Variants in ANO10 observed in about 807,000 individuals in gnomAD.
ANO10 encodes the protein anoctamin-10.
A neutral mutation model predicts 74.7 loss-of-function variants in ANO10; 77 were observed. The observed-to-expected ratio is 1.03, with a 90% confidence interval of 0.86 to 1.25. The LOEUF (loss-of-function observed/expected upper bound fraction) is 1.25, where lower values mean the gene tolerates loss of function less well. ANO10 is among the 50% of genes most tolerant of loss of function. The pLI, the probability that ANO10 is intolerant of heterozygous loss-of-function variation, is 0.00. For synonymous variants in ANO10, 279 were observed against 284.9 expected (o/e 0.98, Z 0.21); for missense variants, 721 against 778.1 (o/e 0.93, Z 0.87).
intron 12 of ANO10, among the ~76,000 whole-genome samples, chr3:43,398,765 C>T (rs970480510): frequency 2.0e-5 from 3 of 152,200 alleles, no homozygotes; most frequent in Middle Eastern, 3.2e-3. Flanking sequence ...AATTGCATGT[C>T]CCTGAGAATT....
At chr3:43,389,441 A>C (rs1251762814) in intron 12 of ANO10, among the ~76,000 whole-genome samples, 1 of 152,228 alleles carries the variant, frequency 6.6e-6, no homozygotes, top group Non-Finnish European at 1.5e-5. Context: ...TCAGTGGGTG[A>C]TTCTGTGTTA....
At chr3:43,429,534 C>T (rs2092949868) in intron 12 of ANO10, among the ~76,000 whole-genome samples, 1 of 152,092 alleles carries the variant, frequency 6.6e-6, no homozygotes. Context: ...ACCAGAAATG[C>T]AATCAATGGA....
At chr3:43,667,492 G>T (rs1026152357) in intron 1 of ANO10, among the ~76,000 whole-genome samples, 1 of 151,924 alleles carries the variant, frequency 6.6e-6, no homozygotes, top group African/African-American at 2.4e-5. Flanking sequence ...TCTTACATAG[G>T]TAAGTTCTTT....
At chr3:43,498,484 G>A (rs529270679) in intron 11 of ANO10, among the ~76,000 whole-genome samples, 1 of 152,286 alleles carries the variant, frequency 6.6e-6, no homozygotes, top group African/African-American at 2.4e-5. Context: ...CCTGCCCCCA[G>A]CATGTCCTAG....
At chr3:43,497,987 T>C (rs1462247538) in intron 11 of ANO10, among the ~76,000 whole-genome samples, 2 of 152,182 alleles carry the variant, frequency 1.3e-5, no homozygotes, top group African/African-American at 4.8e-5. Flanking sequence ...TGTTGCATCA[T>C]CTCTGTACTT....
intron 11 of ANO10, among the ~76,000 whole-genome samples, chr3:43,509,832 G>A (rs2077443115): frequency 1.3e-5 from 2 of 152,284 alleles, no homozygotes; most frequent in Admixed American, 1.3e-4. Flanking sequence ...TAAACAAATT[G>A]TGGTATATAT....
In ANO10 at chr3:43,555,380, A is replaced by T. The variant is rs149914846; in HGVS notation, c.1566T>A (p.Ala522=). 1 of 1,614,198 alleles carries T rather than the reference A, an allele frequency of 6.2e-7. No individual in the cohort carries two copies. The highest frequency in any genetic ancestry group is 2.2e-5 in the East Asian group (1 of 44,880). The change falls in exon 10 of 13, where the codon GCT becomes GCA. Residue 522 remains alanine, a synonymous_variant. Coordinates refer to ENST00000292246, the MANE Select transcript of ANO10 (RefSeq NM_018075.5). ...SCVYPLAAAF[A]VLNNFTEVNS... is the part of the protein sequence containing the mutation. Reference sequence around the variant, plus strand: ...TTACTTCAGTGAAGTTATTTAACACAGCAAAGGCAGCTGCTAATGGGTAAA... The same window carrying T: ...TTACTTCAGTGAAGTTATTTAACACTGCAAAGGCAGCTGCTAATGGGTAAA...
At chr3:43,568,952 G>T (rs1219725245) in intron 7 of ANO10, among the ~76,000 whole-genome samples, 2 of 143,242 alleles carry the variant, frequency 1.4e-5, no homozygotes, top group African/African-American at 5.3e-5. Flanking sequence ...GACTAATAAA[G>T]AAAAAAAGAG....
At chr3:43,524,234 T>G (rs1165000660) in intron 11 of ANO10, among the ~76,000 whole-genome samples, 2 of 152,264 alleles carry the variant, frequency 1.3e-5, no homozygotes, top group Non-Finnish European at 2.9e-5. Context: ...GAATCCCTCA[T>G]AGAAGGAATG....
chr3:43,660,771 A>G (rs567217431), intron 1 of ANO10, among the ~76,000 whole-genome samples: 1 of 152,322 alleles, frequency 6.6e-6, no homozygotes, highest in African/African-American at 2.4e-5. Flanking sequence ...CCTGACCAAC[A>G]TGGAGAAACC....
At chr3:43,588,128 C>CAA (rs2081562237) in intron 4 of ANO10, among the ~76,000 whole-genome samples, 1 of 151,920 alleles carries the variant, frequency 6.6e-6, no homozygotes, top group South Asian at 2.1e-4. Flanking sequence ...AGTAATAGAA[C>CAA]AAAAAAGAAA....
intron 11 of ANO10, among the ~76,000 whole-genome samples, chr3:43,438,644 A>C (rs1345315344): frequency 6.6e-6 from 1 of 151,984 alleles, no homozygotes; most frequent in Non-Finnish European, 1.5e-5. Context: ...CTACTTGGGA[A>C]GCTGATGCAG....
intron 1 of ANO10, among the ~76,000 whole-genome samples, chr3:43,627,185 A>T (rs2083500480): frequency 6.6e-6 from 1 of 152,250 alleles, no homozygotes. Context: ...GATTTCTGCA[A>T]CCACTTCCAA....
intron 2 of ANO10, among the ~76,000 whole-genome samples, chr3:43,602,536 G>A (rs377504992): frequency 5.9e-5 from 9 of 152,188 alleles, no homozygotes; most frequent in Non-Finnish European, 1.2e-4. Flanking sequence ...GGGTTTCACT[G>A]TGTTAGCCAG....
chr3:43,651,643 G>A (rs1230918595), intron 1 of ANO10, among the ~76,000 whole-genome samples: 2 of 152,116 alleles, frequency 1.3e-5, no homozygotes, highest in Non-Finnish European at 2.9e-5. Context: ...TGTCCAAACA[G>A]GTTTCTGGAA....
At chr3:43,563,062 C>T (rs1600943) in intron 8 of ANO10, among the ~76,000 whole-genome samples, 149,178 of 152,356 alleles carry the variant, frequency 0.98, 73,061 homozygotes, top group East Asian at 1. Flanking sequence ...CTGCAGACTA[C>T]TCATCTGACA....
chr3:43,536,724 T>C (rs994918963), intron 11 of ANO10, among the ~76,000 whole-genome samples: 8 of 152,132 alleles, frequency 5.3e-5, no homozygotes, highest in Non-Finnish European at 7.4e-5. Context: ...ATTTACTATA[T>C]AAAATCAAAT....
intron 12 of ANO10, among the ~76,000 whole-genome samples, chr3:43,367,497 T>C (rs1225475072): frequency 6.6e-6 from 1 of 152,152 alleles, no homozygotes; most frequent in Non-Finnish European, 1.5e-5. Flanking sequence ...CACCAGCCTT[T>C]TGTCCCTAGT....
At chr3:43,574,760 G>A (rs1305797766) in intron 7 of ANO10, 49 bp downstream of exon 7, 2 of 1,331,296 alleles carry the variant, frequency 1.5e-6, no homozygotes, top group Non-Finnish European at 2.2e-6. Context: ...ATATTATGTA[G>A]TATATACCAG....
Sources: gnomAD v4.1 joint callset for allele counts (sites outside exome capture counted in the v4.1 genomes callset) on GRCh38, gnomAD v4.1.1 for gene constraint, MANE v1.5 for transcripts, NCBI Gene and HGNC (gene_info 2026-07-23, HGNC 2026-07-21) for gene names.